The following DERA variants were observed in gnomAD, a reference collection of about 807,000 sequenced individuals.
DERA encodes 2-deoxy-D-ribose 5-phosphate aldolase.
Under a neutral mutation model 41.1 loss-of-function variants are expected in DERA, and 15 were observed. That is an observed-to-expected ratio of 0.37 (90% confidence interval 0.24 to 0.56). DERA has a LOEUF of 0.56. Among genes scored for constraint, DERA ranks in the 20% least tolerant of loss-of-function variants. The pLI is 0.81. For missense variants in DERA, 396 were observed against 403.4 expected (o/e 0.98, Z 0.16); for synonymous variants, 139 against 137.4 (o/e 1.01, Z -0.08).
intron 3 of DERA, among the ~76,000 whole-genome samples, 179 bp downstream of exon 3, chr12:15,958,514 C>CTTT (rs78571301): frequency 9.7e-5 from 12 of 124,108 alleles, no homozygotes; most frequent in African/African-American, 3.3e-4. Flanking sequence ...GAATCTGAGT[C>CTTT]TTTTTTTTTT....
intron 1 of DERA, among the ~76,000 whole-genome samples, chr12:15,949,562 G>A (rs1948480955): frequency 6.6e-6 from 1 of 152,188 alleles, no homozygotes. Context: ...ACAGTGTTAG[G>A]GTGGGAGTGA....
Position 15,967,340 on chromosome 12 carries a change from C to CCACTG in DERA, c.508+4398_508+4402dup, listed in dbSNP as rs1350746379. Among the ~76,000 whole-genome samples, 1 of 152,060 alleles carries CCACTG rather than the reference C, an allele frequency of 6.6e-6. No individual in the cohort carries two copies. The highest frequency in any genetic ancestry group is 2.4e-5 in the African/African-American group (1 of 41,430). On this transcript the variant is annotated intron_variant, in intron 5 of 8. Transcript: ENST00000428559. The surrounding 1 kb of genome is among the most constrained non-coding windows in gnomAD (Gnocchi z 4.9). ...GAGGTTGCAGTGAGCCATGATTGTGCCACTGCACTCATAAGCCACTGCGCC... is the reference window on the plus strand; with the variant it reads ...GAGGTTGCAGTGAGCCATGATTGTGCCACTGCACTGCACTCATAAGCCACTGCGCC...
At chr12:16,005,884 A>G (rs572244492) in intron 6 of DERA, among the ~76,000 whole-genome samples, 1 of 152,352 alleles carries the variant, frequency 6.6e-6, no homozygotes, top group South Asian at 2.1e-4. Context: ...CAAGATTACT[A>G]TGAACACATA....
intron 1 of DERA, among the ~76,000 whole-genome samples, chr12:15,920,894 T>C (rs993402944): frequency 1.3e-5 from 2 of 152,226 alleles, no homozygotes; most frequent in African/African-American, 2.4e-5. Flanking sequence ...AGAAAGCCCA[T>C]GAGTCTGCAT....
At position 16,037,039 on chromosome 12, in the gene DERA, A is replaced by G. The variant is rs1392982953; in HGVS notation, c.*293A>G. 3.2e-6 allele frequency: 1 copy of G among 316,570 alleles called. No individual in the cohort carries two copies. Among genetic ancestry groups the G allele is most frequent in the East Asian group, 8.6e-5 (1 of 11,614 alleles). 19.6% of individuals were successfully genotyped at this position (316,570 alleles called of 1,614,324 possible). A position where few individuals can be genotyped will look rare whatever the true frequency, so the allele number is the denominator to read the frequency against. ...GTTAATGGTAGCTTTGATAACATCA[A>G]ATTCTAAGGGAGAAAAAAACAATAT... On this transcript the variant is annotated 3_prime_UTR_variant, in exon 9 of 9. Coordinates refer to ENST00000428559, the MANE Select transcript of DERA (RefSeq NM_015954.4). This position sits in a 1 kb window ranked among gnomAD's most constrained non-coding sequence, Gnocchi z 6.7.
In DERA at chr12:16,032,673, A is replaced by G; in HGVS notation, c.750+19A>G. On this transcript the variant is annotated intron_variant, in intron 7 of 8. Transcript: ENST00000428559. ...AAACAAGGTATATTATTGCCAGCAAATCTTTCTTCAGAGTAAAGATAATGT... is the reference window on the plus strand; with the variant it reads ...AAACAAGGTATATTATTGCCAGCAAGTCTTTCTTCAGAGTAAAGATAATGT... 3 of 1,401,086 alleles carry G rather than the reference A, an allele frequency of 2.1e-6. No homozygotes were observed. The highest frequency in any genetic ancestry group is 3.0e-6 in the Non-Finnish European group (3 of 1,009,822). 86.8% of individuals were successfully genotyped at this position (1,401,086 alleles called of 1,614,324 possible).
rs1256328382 is a variant in DERA, at chr12:15,959,142, A to C, written c.278-687A>C. On this transcript the variant is annotated intron_variant, in intron 3 of 8. Coordinates refer to ENST00000428559, the MANE Select transcript of DERA (RefSeq NM_015954.4). The surrounding 1 kb of genome is among the most constrained non-coding windows in gnomAD (Gnocchi z 4.5). The stretch of plus-strand genomic sequence containing the variant: ...CGTTTAGGTTTGTAGGTAACATACA[A>C]ACCTAAACAACTCTACGGCTTTTGA... Among the ~76,000 whole-genome samples the C allele has an allele frequency of 6.6e-6, 1 of 152,142 alleles. No homozygotes were observed. Among genetic ancestry groups the C allele is most frequent in the Non-Finnish European group, 1.5e-5 (1 of 68,022 alleles).
chr12:16,005,021 A>C (rs942898870), intron 6 of DERA, among the ~76,000 whole-genome samples: 12 of 152,348 alleles, frequency 7.9e-5, no homozygotes, highest in African/African-American at 2.6e-4. Flanking sequence ...TTTTACTAAA[A>C]GGCAGTTTAA....
In DERA at chr12:15,911,475, C is replaced by G; in HGVS notation, c.31+61C>G. 1.4e-6 allele frequency: 2 copies of G among 1,387,636 alleles called. No homozygotes were observed. The highest frequency in any genetic ancestry group is 2.7e-5 in the East Asian group (1 of 37,490). The allele number at this position is 1,387,636 out of a possible 1,614,324, so 86.0% of individuals were successfully genotyped here. Reference sequence around the variant, plus strand: ...TCGCGTTCAGCGCCGCCGGGACTAGCGCGGGGCCTGCTGCCGCCCAGTGCC... The same window carrying G: ...TCGCGTTCAGCGCCGCCGGGACTAGGGCGGGGCCTGCTGCCGCCCAGTGCC... On this transcript the variant is annotated intron_variant, in intron 1 of 8. Transcript: ENST00000428559. This position sits in a 1 kb window ranked among gnomAD's most constrained non-coding sequence, Gnocchi z 4.5.
At chr12:15,942,172 A>G (rs1948413363) in intron 1 of DERA, among the ~76,000 whole-genome samples, 1 of 152,138 alleles carries the variant, frequency 6.6e-6, no homozygotes, top group South Asian at 2.1e-4. Context: ...CTTTTGAGAA[A>G]TGTCTATTTA....
At chr12:15,958,796 C>A (rs927743393) in intron 3 of DERA, among the ~76,000 whole-genome samples, 2 of 151,960 alleles carry the variant, frequency 1.3e-5, no homozygotes, top group African/African-American at 4.8e-5. Context: ...TTAGATCTTT[C>A]AAAAAAAGTC....
intron 1 of DERA, 95 bp from the exon 2 acceptor site, chr12:15,956,841 A>G (rs1439101303): frequency 2.2e-6 from 2 of 924,642 alleles, no homozygotes; most frequent in Admixed American, 3.5e-5. Context: ...GTTGATGTCA[A>G]ATGATAAATG....
intron 1 of DERA, among the ~76,000 whole-genome samples, chr12:15,912,751 G>A (rs1432779218): frequency 6.6e-6 from 1 of 152,130 alleles, no homozygotes; most frequent in Non-Finnish European, 1.5e-5. Flanking sequence ...CATACAGGTA[G>A]GTCCTTTTCG....
At chr12:15,942,600 C>G (rs1419762291) in intron 1 of DERA, among the ~76,000 whole-genome samples, 3 of 152,134 alleles carry the variant, frequency 2.0e-5, no homozygotes, top group African/African-American at 7.2e-5. Flanking sequence ...TTCCTAGCAC[C>G]ATTTATTGAA....
intron 5 of DERA, among the ~76,000 whole-genome samples, chr12:15,977,551 C>T (rs1470131786): frequency 2.6e-5 from 4 of 152,232 alleles, no homozygotes; most frequent in Non-Finnish European, 5.9e-5. Flanking sequence ...CTCCCAGGTT[C>T]AAGTGATTCT....
chr12:15,937,186 G>C lies in DERA; in HGVS notation c.32-19750G>C, dbSNP rs560236179. On this transcript the variant is annotated intron_variant, in intron 1 of 8. Transcript: ENST00000428559. ...GCCCAGGCTGATCTCCAACTCCTGG[G>C]CTCTAGCGATCTTCCCATCTTGGCT... is the stretch of plus-strand genomic sequence containing the variant. Among the ~76,000 whole-genome samples the C allele has an allele frequency of 2.9e-4, 44 of 152,174 alleles. 1 individual carries two copies. The Middle Eastern group carries it at 0.01, about 35-fold the overall frequency.
At position 15,928,109 on chromosome 12, in the gene DERA, A is replaced by G. The variant is rs1948300979; in HGVS notation, c.31+16695A>G. 6.6e-6 allele frequency among the ~76,000 whole-genome samples: 1 copy of G among 152,248 alleles called. No homozygotes were observed. Among genetic ancestry groups the G allele is most frequent in the Admixed American group, 6.5e-5 (1 of 15,278 alleles). On this transcript the variant is annotated intron_variant, in intron 1 of 8. Coordinates refer to ENST00000428559, the MANE Select transcript of DERA (RefSeq NM_015954.4). The surrounding 1 kb of genome is among the most constrained non-coding windows in gnomAD (Gnocchi z 4.6). ...TGATTAAATCAAGCTGAGTGACTTC[A>G]TCACCTCACATACTTAGTTTTTGTG... is the stretch of plus-strand genomic sequence containing the variant.
intron 1 of DERA, among the ~76,000 whole-genome samples, chr12:15,948,344 C>T (rs1948467899): frequency 1.3e-5 from 2 of 152,246 alleles, no homozygotes; most frequent in South Asian, 4.1e-4. Context: ...GTACACCAAT[C>T]AGGTGTAGAT....
At chr12:15,991,637 A>G (rs1235090430) in intron 6 of DERA, among the ~76,000 whole-genome samples, 1 of 152,178 alleles carries the variant, frequency 6.6e-6, no homozygotes, top group Non-Finnish European at 1.5e-5. Context: ...AATCGAATCT[A>G]TCATACAACA....
Sources: allele counts gnomAD v4.1 joint callset (sites outside exome capture counted in the v4.1 genomes callset), GRCh38; gene constraint gnomAD v4.1.1; non-coding constraint Gnocchi (gnomAD v3.1); transcripts MANE v1.5; gene names NCBI Gene and HGNC (gene_info 2026-07-23, HGNC 2026-07-21).